CNTNAP2: variants seen among roughly 807,000 people sequenced by gnomAD.
CNTNAP2 encodes contactin associated protein 2.
CNTNAP2 carries 98 observed loss-of-function variants against 155.2 expected under a neutral mutation model. That is an observed-to-expected ratio of 0.63 (90% CI 0.54 to 0.75). CNTNAP2 has a LOEUF of 0.75. Among genes scored for constraint, CNTNAP2 ranks in the 30% least tolerant of loss-of-function variants. CNTNAP2 has a pLI of 0.00. For missense variants in CNTNAP2, 1,727 were observed against 1,688.1 expected (o/e 1.02, Z -0.40); for synonymous variants, 651 against 631.2 (o/e 1.03, Z -0.47).
intron 15 of CNTNAP2, among the ~76,000 whole-genome samples, chr7:148,089,075 G>A (rs1803790942): frequency 6.6e-6 from 1 of 151,992 alleles, no homozygotes; most frequent in African/African-American, 2.4e-5. Flanking sequence ...CTCAATAGAT[G>A]CAGAAAAGTC....
chr7:147,873,399 C>T (rs1330905977), intron 13 of CNTNAP2, among the ~76,000 whole-genome samples: 16 of 152,180 alleles, frequency 1.1e-4, no homozygotes, highest in Admixed American at 1.0e-3. Flanking sequence ...GCCTCACAAT[C>T]ATGGCAGAAC....
chr7:147,190,870 G>A (rs760742650), intron 8 of CNTNAP2, among the ~76,000 whole-genome samples: 50 of 152,090 alleles, frequency 3.3e-4, no homozygotes, highest in African/African-American at 1.1e-3. Flanking sequence ...TAACTGAACC[G>A]ATCTCAGAAG....
intron 15 of CNTNAP2, among the ~76,000 whole-genome samples, chr7:148,075,343 A>T (rs1194642119): frequency 6.6e-6 from 1 of 152,158 alleles, no homozygotes; most frequent in Non-Finnish European, 1.5e-5. Context: ...TGGCTGAGGC[A>T]AGAGAATCGC....
At chr7:147,138,755 G>C (rs1263268698) in intron 8 of CNTNAP2, among the ~76,000 whole-genome samples, 1 of 151,960 alleles carries the variant, frequency 6.6e-6, no homozygotes, top group African/African-American at 2.4e-5. Context: ...TTCCATTCTA[G>C]TTTCTACAAT....
chr7:146,818,789 C>T (rs989004724), intron 2 of CNTNAP2, among the ~76,000 whole-genome samples: 1 of 151,866 alleles, frequency 6.6e-6, no homozygotes, highest in African/African-American at 2.4e-5. Flanking sequence ...TTAAAAAGCT[C>T]ACAAATTGGA....
At chr7:148,284,318 C>A (rs184992217) in intron 21 of CNTNAP2, among the ~76,000 whole-genome samples, 1 of 152,166 alleles carries the variant, frequency 6.6e-6, no homozygotes, top group East Asian at 1.9e-4. Context: ...CTCATGAGAT[C>A]TGATGGTTTT....
At chr7:147,698,927 A>G (rs1038688241) in intron 13 of CNTNAP2, among the ~76,000 whole-genome samples, 5 of 152,184 alleles carry the variant, frequency 3.3e-5, no homozygotes, top group Non-Finnish European at 7.3e-5. Flanking sequence ...TTAGAGGAAA[A>G]AATCAACAAC....
chr7:148,253,763 G>A (rs1355751023), intron 20 of CNTNAP2, among the ~76,000 whole-genome samples: 1 of 152,062 alleles, frequency 6.6e-6, no homozygotes, highest in African/African-American at 2.4e-5. Flanking sequence ...TAACTTCAGG[G>A]GCACACACAG....
intron 14 of CNTNAP2, among the ~76,000 whole-genome samples, chr7:147,935,483 A>G (rs1030457906): frequency 3.3e-4 from 51 of 152,336 alleles, no homozygotes; most frequent in South Asian, 6.2e-4. Context: ...ATTTATTTGC[A>G]TCAACTCAAA....
chr7:146,543,375 A>G (rs368546966), intron 1 of CNTNAP2, among the ~76,000 whole-genome samples: 2 of 151,946 alleles, frequency 1.3e-5, no homozygotes, highest in Middle Eastern at 6.8e-3. Context: ...CAGTCAAGGT[A>G]TACCCCATAC....
At chr7:148,346,382 G>T (rs372691501) in intron 21 of CNTNAP2, among the ~76,000 whole-genome samples, 37 of 152,274 alleles carry the variant, frequency 2.4e-4, no homozygotes, top group African/African-American at 8.9e-4. Context: ...TAACACATTT[G>T]TGATTAAAAG....
chr7:148,380,175 AC>A (rs11353652), intron 21 of CNTNAP2, among the ~76,000 whole-genome samples: 38,093 of 152,066 alleles, frequency 0.25, 5,272 homozygotes, highest in African/African-American at 0.36. Flanking sequence ...CACAAATAAC[AC>A]CTTACCCAAG....
At chr7:147,859,049 G>A (rs1258703837) in intron 13 of CNTNAP2, among the ~76,000 whole-genome samples, 2 of 152,114 alleles carry the variant, frequency 1.3e-5, no homozygotes, top group Non-Finnish European at 2.9e-5. Context: ...TAAGTTCACA[G>A]ATAACTCAGA....
At chr7:146,670,447 C>G (rs2129167918) in intron 1 of CNTNAP2, among the ~76,000 whole-genome samples, 1 of 144,854 alleles carries the variant, frequency 6.9e-6, no homozygotes, top group South Asian at 2.4e-4. Flanking sequence ...ACAAAACTCT[C>G]ACTTCTAGAT....
chr7:147,184,427 T>C (rs1214953124), intron 8 of CNTNAP2, among the ~76,000 whole-genome samples: 3 of 152,192 alleles, frequency 2.0e-5, no homozygotes, highest in Non-Finnish European at 4.4e-5. Context: ...ATCTGATGCA[T>C]TAAGAGAGTA....
intron 3 of CNTNAP2, among the ~76,000 whole-genome samples, chr7:146,955,445 G>T (rs1797412835): frequency 6.6e-6 from 1 of 151,868 alleles, no homozygotes; most frequent in East Asian, 1.9e-4. Flanking sequence ...GAGTGAAAAA[G>T]ACACTAGAAA....
chr7:146,149,494 C>T (rs1196854957), intron 1 of CNTNAP2, among the ~76,000 whole-genome samples: 4 of 152,048 alleles, frequency 2.6e-5, no homozygotes, highest in African/African-American at 9.7e-5. Flanking sequence ...TGGACAGTGA[C>T]AGCAGCACAG....
At chr7:146,429,415 A>G (rs761916895) in intron 1 of CNTNAP2, among the ~76,000 whole-genome samples, 1 of 151,954 alleles carries the variant, frequency 6.6e-6, no homozygotes, top group Non-Finnish European at 1.5e-5. Context: ...GCAGTGGTTT[A>G]TAGTTCTCCT....
At chr7:147,614,658 C>T (rs921107630) in intron 12 of CNTNAP2, among the ~76,000 whole-genome samples, 16 of 151,326 alleles carry the variant, frequency 1.1e-4, no homozygotes, top group Middle Eastern at 3.6e-3. Flanking sequence ...GACTAAGACC[C>T]CAACATAATG....
Sources: gnomAD v4.1 joint callset for allele counts (sites outside exome capture counted in the v4.1 genomes callset) on GRCh38, gnomAD v4.1.1 for gene constraint, MANE v1.5 for transcripts, NCBI Gene and HGNC (gene_info 2026-07-23, HGNC 2026-07-21) for gene names.